The following ZNF93 variants were observed in gnomAD, a reference collection of about 807,000 sequenced individuals.
ZNF93 encodes zinc finger protein 505.
Under a neutral mutation model 45.0 loss-of-function variants are expected in ZNF93, and 29 were observed. The observed-to-expected ratio is 0.64, with a 90% CI of 0.48 to 0.88. ZNF93 has a LOEUF of 0.88. Among genes scored for constraint, ZNF93 ranks in the 40% least tolerant of loss-of-function variants. ZNF93 has a pLI of 0.00. For synonymous variants in ZNF93, 223 were observed against 244.6 expected (o/e 0.91, Z 0.82); for missense variants, 578 against 724.0 (o/e 0.80, Z 2.31).
intron 3 of ZNF93, among the ~76,000 whole-genome samples, chr19:19,930,464 C>T (rs1297362971): frequency 6.6e-6 from 1 of 151,972 alleles, no homozygotes; most frequent in African/African-American, 2.4e-5. Context: ...CTAAACTCCC[C>T]CAGGGAAAGG....
chr19:19,928,941 C>G (rs1237978790), intron 3 of ZNF93, among the ~76,000 whole-genome samples: 1 of 152,130 alleles, frequency 6.6e-6, no homozygotes, highest in Non-Finnish European at 1.5e-5. Flanking sequence ...CCTAGTTGGT[C>G]TATAATATGG....
chr19:19,915,217 T>G, intron 1 of ZNF93, 63 bp from the exon 2 acceptor site: 1 of 1,610,692 alleles, frequency 6.2e-7, no homozygotes. Context: ...TCATTTCACC[T>G]TAAGTAAAAT....
chr19:19,930,673 C>T (rs1037564347), intron 3 of ZNF93, among the ~76,000 whole-genome samples: 1 of 152,132 alleles, frequency 6.6e-6, no homozygotes, highest in African/African-American at 2.4e-5. Flanking sequence ...CACTATGTCC[C>T]CTCAGCTCCT....
At chr19:19,903,245 T>C (rs2063281391) in intron 1 of ZNF93, among the ~76,000 whole-genome samples, 1 of 151,818 alleles carries the variant, frequency 6.6e-6, no homozygotes, top group Admixed American at 6.6e-5. Flanking sequence ...CAAACAAGAT[T>C]AGAAAGGAGG....
chr19:19,931,100 TAAAA>T (rs894469663), intron 3 of ZNF93, among the ~76,000 whole-genome samples: 1 of 150,938 alleles, frequency 6.6e-6, no homozygotes, highest in African/African-American at 2.4e-5. Flanking sequence ...TATGCTTTTT[TAAAA>T]AAACCACTTA....
chr19:19,933,639 A>T lies in ZNF93; in HGVS notation c.684A>T (p.Pro228=). The T allele has an allele frequency of 6.2e-7, 1 of 1,611,392 alleles. No individual in the cohort carries two copies. The highest frequency in any genetic ancestry group is 1.3e-5 in the African/African-American group (1 of 74,750). The change falls in exon 4 of 4, where the codon CCA becomes CCT. Residue 228 remains proline (P), a synonymous_variant. Transcript: ENST00000343769. ...AGAGAATTCATACTGGAGAGAAACCATACAAGTGTGATAAATGTGACAAAG... is the reference window on the plus strand; with the variant it reads ...AGAGAATTCATACTGGAGAGAAACCTTACAAGTGTGATAAATGTGACAAAG... ...THKRIHTGEK[P]YKCDKCDKAF...
chr19:19,907,765 C>T (rs1295299835), intron 1 of ZNF93: 1 of 152,116 alleles, frequency 6.6e-6, no homozygotes, highest in African/African-American at 2.4e-5. Context: ...TCTTGAACTC[C>T]TGACCTCAGG....
chr19:19,909,373 A>T (rs1213300923), intron 1 of ZNF93: 1 of 152,246 alleles, frequency 6.6e-6, no homozygotes, highest in South Asian at 2.1e-4. Context: ...TTTTTGTAGC[A>T]GAGTGAAAGC....
chr19:19,916,550 A>G lies in ZNF93; in HGVS notation c.131-10A>G, dbSNP rs750104725. The G allele has an allele frequency of 6.2e-7, 1 of 1,608,974 alleles. No homozygotes were observed. Among genetic ancestry groups the G allele is most frequent in the South Asian group, 1.1e-5 (1 of 90,732 alleles). On this transcript the variant is annotated splice_polypyrimidine_tract_variant and intron_variant, in intron 2 of 3. Coordinates refer to ENST00000343769, the MANE Select transcript of ZNF93 (RefSeq NM_031218.4). ...AGCAAGATTCATGTTATTTATTCTT[A>G]ACAAAACAGGTATTGTTGTCTCTAA... is the stretch of plus-strand genomic sequence containing the variant.
rs755571648 is a variant in ZNF93, at chr19:19,916,560, G to A, written c.131G>A (p.Gly44Asp). 1 of 1,611,178 alleles carries A rather than the reference G, an allele frequency of 6.2e-7. No homozygotes were observed. The highest frequency in any genetic ancestry group is 1.1e-5 in the South Asian group (1 of 90,808). Residue 44 changes from glycine to aspartate, a missense_variant and splice_region_variant, in exon 3 of 4, where the codon GGT becomes GAT. Gly to Asp is a moderately conservative substitution (Grantham distance 94). Coordinates refer to ENST00000343769, the MANE Select transcript of ZNF93 (RefSeq NM_031218.4). ...LENYSNLVFL[G>D]IVVSKPDLIA... is the part of the protein sequence containing the mutation. ...ATGTTATTTATTCTTAACAAAACAGGTATTGTTGTCTCTAAGCCAGACCTG... is the reference window on the plus strand; with the variant it reads ...ATGTTATTTATTCTTAACAAAACAGATATTGTTGTCTCTAAGCCAGACCTG...
At position 19,900,972 on chromosome 19, in the gene ZNF93, G is replaced by C; in HGVS notation, c.-117G>C. Reference sequence around the variant, plus strand: ...TCTCTCGGTGCAGCCGGAGCTCCAGGTCTCCTCTTCACTACTCTGTGTCCT... The same window carrying C: ...TCTCTCGGTGCAGCCGGAGCTCCAGCTCTCCTCTTCACTACTCTGTGTCCT... On this transcript the variant is annotated 5_prime_UTR_variant, in exon 1 of 4. Transcript: ENST00000343769. The C allele has an allele frequency of 6.6e-7, 1 of 1,516,422 alleles. No individual in the cohort carries two copies. Among genetic ancestry groups the C allele is most frequent in the Admixed American group, 1.7e-5 (1 of 58,166 alleles). 93.9% of individuals were successfully genotyped at this position (1,516,422 alleles called of 1,614,324 possible). A position where few individuals can be genotyped will look rare whatever the true frequency, so the allele number is the denominator to read the frequency against.
chr19:19,914,413 CTG>C (rs2063317892), intron 1 of ZNF93, among the ~76,000 whole-genome samples: 1 of 152,110 alleles, frequency 6.6e-6, no homozygotes, highest in Admixed American at 6.5e-5. Flanking sequence ...TTGCATAAAA[CTG>C]ATGTTTCTTT....
chr19:19,922,557 C>T (rs2063344989), intron 3 of ZNF93, among the ~76,000 whole-genome samples: 1 of 152,216 alleles, frequency 6.6e-6, no homozygotes, highest in Admixed American at 6.5e-5. Context: ...CCATTCTCCC[C>T]ATCACTTTCA....
intron 3 of ZNF93, chr19:19,926,971 G>T (rs2063357998): frequency 1.3e-5 from 5 of 391,460 alleles, no homozygotes; most frequent in Non-Finnish European, 2.2e-5. Context: ...TTTTGTGAAA[G>T]AAACACTTTT....
In ZNF93 at chr19:19,900,991, G is replaced by T. The variant is rs148344116; in HGVS notation, c.-98G>T. 1.3e-5 allele frequency: 21 copies of T among 1,563,860 alleles called. No individual in the cohort carries two copies. Among genetic ancestry groups the T allele is most frequent in the Non-Finnish European group, 1.8e-5 (20 of 1,136,192 alleles). On this transcript the variant is annotated 5_prime_UTR_variant, in exon 1 of 4. Coordinates refer to ENST00000343769, the MANE Select transcript of ZNF93 (RefSeq NM_031218.4). Reference sequence around the variant, plus strand: ...CTCCAGGTCTCCTCTTCACTACTCTGTGTCCTGTGCTCCTACAGGCCCAGC... The same window carrying T: ...CTCCAGGTCTCCTCTTCACTACTCTTTGTCCTGTGCTCCTACAGGCCCAGC...
At chr19:19,921,588 G>A (rs992792454) in intron 3 of ZNF93, among the ~76,000 whole-genome samples, 5 of 152,132 alleles carry the variant, frequency 3.3e-5, no homozygotes, top group Admixed American at 1.3e-4. Context: ...AAGTCTCTTT[G>A]TAGGTCTCTA....
At chr19:19,902,188 A>C (rs952891758) in intron 1 of ZNF93, among the ~76,000 whole-genome samples, 1 of 152,216 alleles carries the variant, frequency 6.6e-6, no homozygotes, top group African/African-American at 2.4e-5. Flanking sequence ...AAACCAAGTG[A>C]ATAACTCTGA....
Position 19,916,656 on chromosome 19 carries a change from G to A in ZNF93, c.226+1G>A, listed in dbSNP as rs1383930022. Reference sequence around the variant, plus strand: ...CATGAGATGGTAGCCAACCCCTCAGGTAGGTGTGAGTGAAAATGAATACAA... The same window carrying A: ...CATGAGATGGTAGCCAACCCCTCAGATAGGTGTGAGTGAAAATGAATACAA... On this transcript the variant is annotated splice_donor_variant, in intron 3 of 3. Transcript: ENST00000343769. LOFTEE classifies it high-confidence loss of function. 20 of 1,601,628 alleles carry A rather than the reference G, an allele frequency of 1.2e-5. No individual in the cohort carries two copies. Among genetic ancestry groups the A allele is most frequent in the Non-Finnish European group, 1.7e-5 (20 of 1,174,610 alleles).
At position 19,915,360 on chromosome 19, in the gene ZNF93, A is replaced by G. The variant is rs754455067; in HGVS notation, c.84A>G (p.Leu28=). 1.1e-5 allele frequency: 18 copies of G among 1,613,976 alleles called. No homozygotes were observed. The highest frequency in any genetic ancestry group is 1.3e-5 in the African/African-American group (1 of 74,944). Residue 28 remains leucine, a synonymous_variant, in exon 2 of 4, where the codon CTA becomes CTG. Coordinates refer to ENST00000343769, the MANE Select transcript of ZNF93 (RefSeq NM_031218.4). ...GCCTGGACACTGCACAGCGGAATCT[A>G]TATAGGAATGTGATGTTAGAGAACT... is the stretch of plus-strand genomic sequence containing the variant. The part of the protein sequence containing the change: ...WHCLDTAQRN[L]YRNVMLENYS...
Sources: gnomAD v4.1 joint callset for allele counts (sites outside exome capture counted in the v4.1 genomes callset) on GRCh38, gnomAD v4.1.1 for gene constraint, MANE v1.5 for transcripts, NCBI Gene and HGNC (gene_info 2026-07-23, HGNC 2026-07-21) for gene names.